The following CRTAC1 variants were observed in gnomAD, a reference collection of about 807,000 sequenced individuals.
CRTAC1 encodes the protein cartilage acidic protein 1.
In CRTAC1, 37 loss-of-function variants were observed where a neutral mutation model predicts 67.8. The observed-to-expected ratio is 0.55, with a 90% CI of 0.42 to 0.72. The LOEUF is 0.72. Among genes scored for constraint, CRTAC1 ranks in the 30% least tolerant of loss-of-function variants. The probability of loss-of-function intolerance (pLI) is 0.00; values close to 1 mark genes in which losing one functional copy is unlikely to be tolerated. For missense variants in CRTAC1, 780 were observed against 931.6 expected (o/e 0.84, Z 2.12); for synonymous variants, 348 against 371.0 (o/e 0.94, Z 0.71).
At position 97,901,622 on chromosome 10, in the gene CRTAC1, C is replaced by A. The variant is rs775696927; in HGVS notation, c.1014G>T (p.Lys338Asn). 3.7e-6 allele frequency: 6 copies of A among 1,613,988 alleles called. No individual in the cohort carries two copies. In the African/African-American group the frequency reaches 8.0e-5, roughly 22 times the overall value. ...TGCGGACAGGGGAGGGCATGGAGAA[C>A]TTGGGTGAGGCGATGTCCTGGAGGA... ...KVRFRDIASP[K>N]FSMPSPVRTV... Residue 338 changes from lysine to asparagine, a missense_variant, in exon 8 of 15, where the codon AAG (lysine) becomes AAT (asparagine). Coordinates refer to ENST00000370597, the MANE Select transcript of CRTAC1 (RefSeq NM_018058.7).
At chr10:97,979,457 G>A (rs1160957124) in intron 2 of CRTAC1, among the ~76,000 whole-genome samples, 1 of 152,232 alleles carries the variant, frequency 6.6e-6, no homozygotes, top group Non-Finnish European at 1.5e-5. Context: ...GTCCCATCAG[G>A]AGCTGGAGAG....
chr10:97,990,364 G>A (rs917267074), intron 2 of CRTAC1, among the ~76,000 whole-genome samples: 1 of 152,136 alleles, frequency 6.6e-6, no homozygotes, highest in Non-Finnish European at 1.5e-5. Context: ...TGGTCTTTTT[G>A]TCCTTCCTTT....
rs1412132383 is a variant in CRTAC1 at position 97,908,147 on chromosome 10, C to T, written c.716G>A (p.Gly239Glu). 3.1e-6 allele frequency: 5 copies of T among 1,613,846 alleles called. No homozygotes were observed. The African/African-American group carries it at 6.7e-5, about 22-fold the overall frequency. ...AAEAGVSKYTGGRGVSVGPIL... is the reference protein window; with the variant it reads ...AAEAGVSKYTEGRGVSVGPIL... ...GGGGCCCACGCTGACGCCTCGGCCC[C>T]CTAGAAAAGACATCGACCCACAGTG... Residue 239 changes from glycine (G) to glutamate (E), a missense_variant and splice_region_variant, in exon 6 of 15, where the codon GGG (glycine) becomes GAG (glutamate). By Grantham distance (98) the Gly-to-Glu change is moderately conservative (BLOSUM62 -2). Transcript: ENST00000370597.
rs1423887931 is a variant in CRTAC1 at position 97,948,690 on chromosome 10, A to G, written c.225-12324T>C. On this transcript the variant is annotated intron_variant, in intron 2 of 14. Transcript: ENST00000370597. ...AAGAAGATAGAATGAGGTGGAAGAGAGCAACTAGACAGTAATATCCTGTAT... is the reference window on the plus strand; with the variant it reads ...AAGAAGATAGAATGAGGTGGAAGAGGGCAACTAGACAGTAATATCCTGTAT... 1.4e-4 allele frequency among the ~76,000 whole-genome samples: 22 copies of G among 152,214 alleles called. 1 individual carries two copies. Among genetic ancestry groups the G allele is most frequent in the Non-Finnish European group, 1.5e-5 (1 of 68,040 alleles).
At chr10:98,015,201 G>A (rs143751213) in intron 1 of CRTAC1, among the ~76,000 whole-genome samples, 125 of 152,308 alleles carry the variant, frequency 8.2e-4, no homozygotes, top group African/African-American at 2.9e-3. Context: ...CAGAGTACAA[G>A]GTGGGTAAAT....
At chr10:97,928,518 G>A (rs1212904962) in intron 3 of CRTAC1, among the ~76,000 whole-genome samples, 1 of 152,186 alleles carries the variant, frequency 6.6e-6, no homozygotes, top group Non-Finnish European at 1.5e-5. Flanking sequence ...CTCGAGGTGG[G>A]TACTATTTTC....
chr10:97,936,109 C>A, intron 3 of CRTAC1, 61 bp downstream of exon 3: 1 of 1,498,112 alleles, frequency 6.7e-7, no homozygotes, highest in Non-Finnish European at 9.1e-7. Context: ...TGGCCCTCCC[C>A]AAGTTGCTAC....
intron 2 of CRTAC1, among the ~76,000 whole-genome samples, chr10:97,959,935 G>A (rs1014050869): frequency 2.0e-5 from 3 of 152,254 alleles, no homozygotes; most frequent in African/African-American, 7.2e-5. Context: ...TTGTCTACCA[G>A]GAAGGCTCAT....
intron 2 of CRTAC1, among the ~76,000 whole-genome samples, chr10:97,997,097 A>C (rs1221372810): frequency 1.2e-5 from 1 of 85,148 alleles, no homozygotes; most frequent in Non-Finnish European, 2.2e-5. Context: ...GGGTGGGGGG[A>C]GGGGAGAGGG....
rs1390097578 is a variant in CRTAC1, at chr10:97,865,769, C to T, written c.1820-55G>A. Reference sequence around the variant, plus strand: ...GCCTTGCAGACCTGCGGCGGCTGCGCTACCAGAGCACCCGCTTCTGAGTCA... The same window carrying T: ...GCCTTGCAGACCTGCGGCGGCTGCGTTACCAGAGCACCCGCTTCTGAGTCA... On this transcript the variant is annotated intron_variant, in intron 14 of 14. Coordinates refer to ENST00000370597, the MANE Select transcript of CRTAC1 (RefSeq NM_018058.7). 5.5e-6 allele frequency: 8 copies of T among 1,458,536 alleles called. No individual in the cohort carries two copies. In the South Asian group the frequency reaches 9.1e-5, roughly 17 times the overall value. 90.3% of individuals were successfully genotyped at this position (1,458,536 alleles called of 1,614,324 possible). A position where few individuals can be genotyped will look rare whatever the true frequency, so the allele number is the denominator to read the frequency against.
chr10:97,929,859 A>G (rs2050976627), intron 3 of CRTAC1, among the ~76,000 whole-genome samples: 1 of 152,234 alleles, frequency 6.6e-6, no homozygotes, highest in Admixed American at 6.5e-5. Flanking sequence ...TGTTAAGTAT[A>G]AAAGGCTTTA....
chr10:97,988,616 A>G lies in CRTAC1; in HGVS notation c.224+22522T>C, dbSNP rs1457464645. On this transcript the variant is annotated intron_variant, in intron 2 of 14. Transcript: ENST00000370597. Reference sequence around the variant, plus strand: ...GTGCCTGTAATCCCAACTACTCGGGAGGCTGAGGCAAGAGAATTGCTTGAA... The same window carrying G: ...GTGCCTGTAATCCCAACTACTCGGGGGGCTGAGGCAAGAGAATTGCTTGAA... 2.0e-5 allele frequency among the ~76,000 whole-genome samples: 3 copies of G among 152,162 alleles called. No homozygotes were observed. The East Asian group carries it at 5.8e-4, about 29-fold the overall frequency.
intron 5 of CRTAC1, among the ~76,000 whole-genome samples, chr10:97,909,884 G>GA (rs1206795675): frequency 1.3e-5 from 2 of 152,170 alleles, no homozygotes; most frequent in Non-Finnish European, 2.9e-5. Flanking sequence ...CCTTAAAGAA[G>GA]AAAATCCTGT....
rs754542813 is a variant in CRTAC1, at chr10:97,884,291, T to G, written c.1547A>C (p.Asn516Thr). The G allele has an allele frequency of 7.1e-6, 11 of 1,555,166 alleles. No individual in the cohort carries two copies. In the East Asian group the frequency reaches 2.7e-4, roughly 38 times the overall value. Reference sequence around the variant, plus strand: ...TGAGTTCATCTCCCCGCTGGCCACGTTCCGGCTCACCATCTTGCCATCTGG... The same window carrying G: ...TGAGTTCATCTCCCCGCTGGCCACGGTCCGGCTCACCATCTTGCCATCTGG... The part of the protein sequence containing the change: ...TWPDGKMVSR[N>T]VASGEMNSVL... The change falls in exon 12 of 15, where the codon AAC becomes ACC. Residue 516 changes from asparagine (N) to threonine (T), a missense_variant. Transcript: ENST00000370597.
At chr10:98,007,650 C>T (rs1008746613) in intron 2 of CRTAC1, among the ~76,000 whole-genome samples, 2 of 152,166 alleles carry the variant, frequency 1.3e-5, no homozygotes, top group Non-Finnish European at 2.9e-5. Flanking sequence ...TTTGCTCAAC[C>T]CTGCCCTGGA....
chr10:97,926,953 G>C (rs2050930465), intron 3 of CRTAC1, among the ~76,000 whole-genome samples: 1 of 152,154 alleles, frequency 6.6e-6, no homozygotes, highest in African/African-American at 2.4e-5. Flanking sequence ...CCCAACCATG[G>C]CCCCTTTAGA....
At position 97,908,016 on chromosome 10, in the gene CRTAC1, C is replaced by T. The variant is rs2050636988; in HGVS notation, c.847G>A (p.Ala283Thr). Residue 283 changes from alanine (A) to threonine (T), a missense_variant, in exon 6 of 15, where the codon GCT becomes ACT. Coordinates refer to ENST00000370597, the MANE Select transcript of CRTAC1 (RefSeq NM_018058.7). ...GGGCATGGCTGCCTCCACTCACCAG[C>T]ACTGGCCGCAGCGTCCACAAAGGTG... Reference protein sequence around the residue: ...DGTFVDAAASAGVDDPHQHGR... With the variant: ...DGTFVDAAASTGVDDPHQHGR... The T allele has an allele frequency of 3.7e-6, 6 of 1,614,090 alleles. No homozygotes were observed. Among genetic ancestry groups the T allele is most frequent in the Non-Finnish European group, 4.2e-6 (5 of 1,179,966 alleles).
intron 2 of CRTAC1, among the ~76,000 whole-genome samples, chr10:97,961,034 T>C (rs1345429081): frequency 1.3e-5 from 2 of 152,224 alleles, no homozygotes; most frequent in African/African-American, 4.8e-5. Flanking sequence ...GCTGCCCCAT[T>C]TTCCAGGACC....
At position 97,923,404 on chromosome 10, in the gene CRTAC1, G is replaced by A. The variant is rs772768772; in HGVS notation, c.422-4C>T. ...TTGTCGGTGTACGTGGCCACCCCTGGAGAGAGGAGGAAAGGGAGGGCTGGT... is the reference window on the plus strand; with the variant it reads ...TTGTCGGTGTACGTGGCCACCCCTGAAGAGAGGAGGAAAGGGAGGGCTGGT... On this transcript the variant is annotated splice_region_variant and splice_polypyrimidine_tract_variant and intron_variant, in intron 3 of 14. Transcript: ENST00000370597. The A allele has an allele frequency of 4.0e-5, 64 of 1,613,982 alleles. No homozygotes were observed. Among genetic ancestry groups the A allele is most frequent in the African/African-American group, 5.3e-5 (4 of 74,922 alleles).
Sources: gnomAD v4.1 joint callset for allele counts (sites outside exome capture counted in the v4.1 genomes callset) on GRCh38, gnomAD v4.1.1 for gene constraint, MANE v1.5 for transcripts, NCBI Gene and HGNC (gene_info 2026-07-23, HGNC 2026-07-21) for gene names.